Variants in MDGA2 observed in about 807,000 individuals in gnomAD.
MDGA2 encodes MAM domain-containing glycosylphosphatidylinositol anchor protein 2.
A neutral mutation model predicts 117.8 loss-of-function variants in MDGA2; 40 were observed. That is an observed-to-expected ratio of 0.34 (90% CI 0.26 to 0.44). MDGA2 has a LOEUF of 0.44. Ranked by LOEUF, MDGA2 falls within the 20% of genes least tolerant of loss-of-function variation. The pLI is 1.00. For synonymous variants in MDGA2, 452 were observed against 439.0 expected, an observed-to-expected ratio of 1.03 and a Z score of -0.37; for missense variants, 1,123 against 1,250.6, an observed-to-expected ratio of 0.90 and a Z score of 1.54.
chr14:47,604,487 A>ACTC (rs144175419), intron 1 of MDGA2, among the ~76,000 whole-genome samples: 1 of 92,054 alleles, frequency 1.1e-5, no homozygotes, highest in African/African-American at 4.0e-5. Flanking sequence ...CAGCTTCCCC[A>ACTC]CCCCCCCCCA....
intron 1 of MDGA2, among the ~76,000 whole-genome samples, chr14:47,424,339 T>C (rs140298532): frequency 1.4e-3 from 206 of 151,866 alleles, no homozygotes; most frequent in African/African-American, 4.9e-3. Context: ...GGGAAGAGGA[T>C]TTGAGCCTGG....
intron 2 of MDGA2, among the ~76,000 whole-genome samples, chr14:47,280,615 C>T (rs1888455670): frequency 6.6e-6 from 1 of 151,938 alleles, no homozygotes; most frequent in Admixed American, 6.6e-5. Context: ...ATTCTGGATG[C>T]TCTATCACCT....
chr14:47,041,696 C>T (rs756786946), intron 7 of MDGA2, among the ~76,000 whole-genome samples: 45 of 152,010 alleles, frequency 3.0e-4, no homozygotes, highest in Non-Finnish European at 6.0e-4. Context: ...CCACTGATCA[C>T]AGACTGTAAA....
At chr14:46,975,045 A>G (rs1026022149) in intron 8 of MDGA2, among the ~76,000 whole-genome samples, 2 of 152,162 alleles carry the variant, frequency 1.3e-5, no homozygotes, top group African/African-American at 4.8e-5. Flanking sequence ...AAGAACTTGA[A>G]CAGATATTTC....
chr14:46,909,566 A>G (rs915691843), intron 10 of MDGA2, among the ~76,000 whole-genome samples: 8 of 152,180 alleles, frequency 5.3e-5, no homozygotes, highest in Non-Finnish European at 1.0e-4. Flanking sequence ...AGAAGCACTT[A>G]ACTGAGTTCA....
chr14:47,309,849 T>C (rs1214241946), intron 1 of MDGA2, among the ~76,000 whole-genome samples: 2 of 152,108 alleles, frequency 1.3e-5, no homozygotes, highest in Non-Finnish European at 2.9e-5. Flanking sequence ...TGACATTCAA[T>C]AACAATTTAA....
At chr14:46,956,429 G>T (rs1389296342) in intron 9 of MDGA2, among the ~76,000 whole-genome samples, 1 of 151,984 alleles carries the variant, frequency 6.6e-6, no homozygotes, top group Non-Finnish European at 1.5e-5. Context: ...GACATAAAGA[G>T]TCAATACTTC....
At chr14:47,190,687 G>T (rs1258965706) in intron 3 of MDGA2, among the ~76,000 whole-genome samples, 1 of 151,846 alleles carries the variant, frequency 6.6e-6, no homozygotes, top group African/African-American at 2.4e-5. Context: ...TAAATTATTC[G>T]GTATTTTTCT....
At chr14:46,970,125 C>G (rs1009979203) in intron 8 of MDGA2, among the ~76,000 whole-genome samples, 1 of 151,276 alleles carries the variant, frequency 6.6e-6, no homozygotes, top group Non-Finnish European at 1.5e-5. Context: ...TTCTACTGCC[C>G]AAAGCAATCT....
chr14:46,869,434 T>A (rs1010688177), intron 14 of MDGA2, among the ~76,000 whole-genome samples: 13 of 150,888 alleles, frequency 8.6e-5, no homozygotes, highest in African/African-American at 2.9e-4. Context: ...GTCACAGGAA[T>A]GCTGAAAGAA....
At chr14:47,101,230 A>T (rs1880306933) in intron 5 of MDGA2, among the ~76,000 whole-genome samples, 1 of 152,182 alleles carries the variant, frequency 6.6e-6, no homozygotes, top group Non-Finnish European at 1.5e-5. Context: ...GGAAAGGGGA[A>T]CAAAAAGTCT....
chr14:47,352,651 A>G (rs908108536), intron 1 of MDGA2, among the ~76,000 whole-genome samples: 2 of 152,236 alleles, frequency 1.3e-5, no homozygotes, highest in Non-Finnish European at 2.9e-5. Context: ...TATTTGCAAA[A>G]GGTTTTTGTA....
At chr14:47,501,448 G>A (rs1254160765) in intron 1 of MDGA2, among the ~76,000 whole-genome samples, 1 of 152,108 alleles carries the variant, frequency 6.6e-6, no homozygotes, top group Non-Finnish European at 1.5e-5. Context: ...ATAGTGTTAA[G>A]GATTTTGTAA....
intron 3 of MDGA2, among the ~76,000 whole-genome samples, chr14:47,169,968 C>T (rs929846366): frequency 6.6e-6 from 1 of 152,066 alleles, no homozygotes; most frequent in Non-Finnish European, 1.5e-5. Flanking sequence ...CACAACATTC[C>T]AGTCAGGCCA....
intron 2 of MDGA2, among the ~76,000 whole-genome samples, chr14:47,233,854 C>G (rs1886772069): frequency 6.7e-6 from 1 of 149,180 alleles, no homozygotes; most frequent in Non-Finnish European, 1.5e-5. Context: ...AGAACTCAAA[C>G]CTTTAAAAGT....
chr14:47,561,298 T>C (rs1476704936), intron 1 of MDGA2, among the ~76,000 whole-genome samples: 1 of 151,918 alleles, frequency 6.6e-6, no homozygotes, highest in Admixed American at 6.6e-5. Context: ...AGAAATAGCA[T>C]TGAATCTGTA....
intron 1 of MDGA2, among the ~76,000 whole-genome samples, chr14:47,319,171 G>T (rs182632170): frequency 3.9e-5 from 6 of 152,168 alleles, no homozygotes; most frequent in Admixed American, 3.9e-4. Flanking sequence ...CTGGTTGGTG[G>T]ATCGTCAATC....
At chr14:47,103,312 G>T (rs1158888697) in intron 5 of MDGA2, among the ~76,000 whole-genome samples, 1 of 152,082 alleles carries the variant, frequency 6.6e-6, no homozygotes, top group Admixed American at 6.5e-5. Flanking sequence ...ATATTTCATT[G>T]AAATTCATTT....
chr14:47,233,200 C>T (rs1026176644), intron 2 of MDGA2, among the ~76,000 whole-genome samples: 8 of 152,034 alleles, frequency 5.3e-5, no homozygotes, highest in African/African-American at 1.9e-4. Context: ...TCTGCAAAAA[C>T]CCATGAATAC....
Sources: allele counts gnomAD v4.1 joint callset (sites outside exome capture counted in the v4.1 genomes callset), GRCh38; gene constraint gnomAD v4.1.1; transcripts MANE v1.5; gene names NCBI Gene and HGNC (gene_info 2026-07-23, HGNC 2026-07-21).